Variants in EFNA5 observed in about 807,000 individuals in gnomAD.
EFNA5 encodes the protein ephrin-A5.
In EFNA5, 5 loss-of-function variants were observed where a neutral mutation model predicts 22.9. The observed-to-expected ratio is 0.22, with a 90% CI of 0.11 to 0.46. The LOEUF is 0.46. Among genes scored for constraint, EFNA5 ranks in the 20% least tolerant of loss-of-function variants. EFNA5 has a pLI of 0.99. For synonymous variants in EFNA5, 113 were observed against 112.2 expected (o/e 1.01, Z -0.04); for missense variants, 237 against 293.3 (o/e 0.81, Z 1.40).
At chr5:107,660,290 A>G (rs1750923247) in intron 1 of EFNA5, among the ~76,000 whole-genome samples, 1 of 113,760 alleles carries the variant, frequency 8.8e-6, no homozygotes, top group Non-Finnish European at 1.8e-5. Context: ...ATATATATAT[A>G]TATATATATA....
intron 1 of EFNA5, among the ~76,000 whole-genome samples, chr5:107,509,112 T>C (rs1580503011): frequency 6.6e-6 from 1 of 152,248 alleles, no homozygotes; most frequent in African/African-American, 2.4e-5. Context: ...AGAATTTGTG[T>C]CACTTACATA....
intron 1 of EFNA5, among the ~76,000 whole-genome samples, chr5:107,431,882 C>T (rs533876756): frequency 4.1e-4 from 63 of 152,242 alleles, no homozygotes; most frequent in African/African-American, 1.4e-3. Flanking sequence ...ACCAATGAGT[C>T]GAGGACATTC....
rs1401951052 is a variant in EFNA5, at chr5:107,379,462, C to T, written c.*1793G>A. 1 of 142,752 alleles carries T rather than the reference C, an allele frequency of 7.0e-6. No homozygotes were observed. The highest frequency in any genetic ancestry group is 1.5e-5 in the Non-Finnish European group (1 of 66,980). The allele number at this position is 142,752 out of a possible 1,614,324, so 8.8% of individuals were successfully genotyped here. A position where few individuals can be genotyped will look rare whatever the true frequency, so the allele number is the denominator to read the frequency against. On this transcript the variant is annotated 3_prime_UTR_variant, in exon 5 of 5. Transcript: ENST00000333274. ...AAAAAATTCTTATTTTGCTGGAATG[C>T]TTTCAATTTTTCACATTTTACATGA...
intron 4 of EFNA5, among the ~76,000 whole-genome samples, 177 bp downstream of exon 4, chr5:107,387,058 C>T (rs192131328): frequency 3.3e-5 from 5 of 152,196 alleles, no homozygotes; most frequent in African/African-American, 9.6e-5. Flanking sequence ...ACATGCATTG[C>T]ACAAAGATAC....
chr5:107,554,089 C>A (rs1748356927), intron 1 of EFNA5, among the ~76,000 whole-genome samples: 2 of 152,106 alleles, frequency 1.3e-5, no homozygotes, highest in Non-Finnish European at 2.9e-5. Context: ...ATTCTATATG[C>A]AGAGTAAAAT....
chr5:107,534,002 T>C (rs1747876318), intron 1 of EFNA5, among the ~76,000 whole-genome samples: 1 of 152,228 alleles, frequency 6.6e-6, no homozygotes, highest in Non-Finnish European at 1.5e-5. Context: ...AACTATTTTA[T>C]GATGCTATAA....
Position 107,489,279 on chromosome 5 carries a change from T to C in EFNA5, c.126-61770A>G, listed in dbSNP as rs186887169. On this transcript the variant is annotated intron_variant, in intron 1 of 4. Coordinates refer to ENST00000333274, the MANE Select transcript of EFNA5 (RefSeq NM_001962.3). ...ACCGCCGCCTTCCAGGTTCAAGCAT[T>C]TCTCCTGCCCCAGCCTCTCTAGTAG... 4.7e-4 allele frequency among the ~76,000 whole-genome samples: 72 copies of C among 151,912 alleles called. 1 individual carries two copies. Among genetic ancestry groups the C allele is most frequent in the Middle Eastern group, 3.4e-3 (1 of 292 alleles).
At chr5:107,386,064 T>A (rs1747610882) in intron 4 of EFNA5, among the ~76,000 whole-genome samples, 1 of 147,162 alleles carries the variant, frequency 6.8e-6, no homozygotes, top group South Asian at 2.1e-4. Flanking sequence ...GTTCATTGAC[T>A]ATGCAGTCCT....
chr5:107,517,711 T>C (rs950379537), intron 1 of EFNA5, among the ~76,000 whole-genome samples: 12 of 152,218 alleles, frequency 7.9e-5, no homozygotes, highest in Non-Finnish European at 1.8e-4. Context: ...GGTTATATTA[T>C]GCAATGTATG....
intron 1 of EFNA5, among the ~76,000 whole-genome samples, chr5:107,476,058 T>TATATATATATATATATA: frequency 2.4e-5 from 1 of 41,078 alleles, no homozygotes; most frequent in African/African-American, 1.9e-4. Context: ...ATATATATAT[T>TATATATATATATATATA]TTTTTTTTTT....
chr5:107,388,395 T>C (rs982252129), intron 2 of EFNA5: 2 of 152,166 alleles, frequency 1.3e-5, no homozygotes, highest in East Asian at 1.9e-4. Flanking sequence ...ATAAGTACAA[T>C]ATGCTATTGA....
intron 1 of EFNA5, among the ~76,000 whole-genome samples, chr5:107,611,593 T>C (rs1369927981): frequency 6.6e-6 from 1 of 152,220 alleles, no homozygotes; most frequent in Non-Finnish European, 1.5e-5. Context: ...TTATTTCCTT[T>C]ATTTTTCTCT....
At chr5:107,670,437 G>T (rs369141417) in intron 1 of EFNA5, 52 bp downstream of exon 1, 1 of 1,511,960 alleles carries the variant, frequency 6.6e-7, no homozygotes, top group Non-Finnish European at 8.9e-7. Flanking sequence ...CGCTCCTTCC[G>T]CAGGGCCCCG....
intron 1 of EFNA5, among the ~76,000 whole-genome samples, chr5:107,563,608 C>G (rs141921000): frequency 6.6e-6 from 1 of 152,012 alleles, no homozygotes; most frequent in African/African-American, 2.4e-5. Flanking sequence ...GGCTAATTTT[C>G]ATTTTTTGTA....
chr5:107,578,913 A>G (rs969215806), intron 1 of EFNA5, among the ~76,000 whole-genome samples: 2 of 152,224 alleles, frequency 1.3e-5, no homozygotes, highest in African/African-American at 2.4e-5. Context: ...TTTTAAAATA[A>G]ATAAAATCCA....
intron 4 of EFNA5, among the ~76,000 whole-genome samples, chr5:107,383,585 C>T (rs769852584): frequency 1.3e-5 from 2 of 152,162 alleles, no homozygotes; most frequent in Admixed American, 6.5e-5. Flanking sequence ...TACTTAAACA[C>T]CTGAAATTGC....
chr5:107,617,399 G>A (rs1476230980), intron 1 of EFNA5, among the ~76,000 whole-genome samples: 2 of 152,068 alleles, frequency 1.3e-5, no homozygotes, highest in Non-Finnish European at 2.9e-5. Context: ...TAAAAACCTG[G>A]AGAGATATCA....
intron 1 of EFNA5, among the ~76,000 whole-genome samples, chr5:107,638,267 G>A (rs140662525): frequency 8.1e-4 from 124 of 152,210 alleles, no homozygotes; most frequent in African/African-American, 2.6e-3. Flanking sequence ...ACAACACCGC[G>A]TGATCTCACT....
chr5:107,561,626 C>T (rs1748546621), intron 1 of EFNA5, among the ~76,000 whole-genome samples: 2 of 152,118 alleles, frequency 1.3e-5, no homozygotes, highest in African/African-American at 4.8e-5. Context: ...CCTAAACCTC[C>T]CAGAGTGCTG....
Sources: gnomAD v4.1 joint callset for allele counts (sites outside exome capture counted in the v4.1 genomes callset) on GRCh38, gnomAD v4.1.1 for gene constraint, MANE v1.5 for transcripts, NCBI Gene and HGNC (gene_info 2026-07-23, HGNC 2026-07-21) for gene names.